Variants in JADE1 observed in about 807,000 individuals in gnomAD.
JADE1 encodes jade family PHD finger 1, also known as protein Jade-1.
A neutral mutation model predicts 81.8 loss-of-function variants in JADE1; 14 were observed. The observed-to-expected ratio is 0.17, with a 90% CI of 0.11 to 0.27. The LOEUF is 0.27. Among genes scored for constraint, JADE1 ranks in the 10% least tolerant of loss-of-function variants. The pLI, the probability that JADE1 is intolerant of heterozygous loss-of-function variation, is 1.00. For missense variants in JADE1, 690 were observed against 1,047.9 expected (o/e 0.66, Z 4.71); for synonymous variants, 353 against 391.9 (o/e 0.90, Z 1.17).
At chr4:128,856,032 T>G (rs1730766058) in intron 7 of JADE1, among the ~76,000 whole-genome samples, 1 of 152,144 alleles carries the variant, frequency 6.6e-6, no homozygotes, top group African/African-American at 2.4e-5. Flanking sequence ...TTGACCTGGC[T>G]GGTCTCAAAC....
At chr4:128,857,721 G>A (rs1226382543) in intron 8 of JADE1, among the ~76,000 whole-genome samples, 4 of 152,226 alleles carry the variant, frequency 2.6e-5, no homozygotes, top group South Asian at 2.1e-4. Context: ...TTTGTCTCTC[G>A]CTACCCTTTC....
At chr4:128,837,067 T>A (rs1288436154) in intron 2 of JADE1, among the ~76,000 whole-genome samples, 1 of 152,202 alleles carries the variant, frequency 6.6e-6, no homozygotes. Context: ...GCAGGACTTC[T>A]TATTCTTGTC....
At chr4:128,845,343 A>C (rs1729777535) in intron 3 of JADE1, among the ~76,000 whole-genome samples, 1 of 152,172 alleles carries the variant, frequency 6.6e-6, no homozygotes, top group Admixed American at 6.5e-5. Context: ...CTCTCTCGGT[A>C]GAGGGGCACT....
At chr4:128,833,358 A>G (rs1321812481) in intron 2 of JADE1, among the ~76,000 whole-genome samples, 1 of 151,948 alleles carries the variant, frequency 6.6e-6, no homozygotes, top group Non-Finnish European at 1.5e-5. Context: ...AGTTATAAGT[A>G]CTCTATAAAT....
intron 6 of JADE1, among the ~76,000 whole-genome samples, chr4:128,852,889 C>T (rs951889486): frequency 2.0e-5 from 3 of 152,060 alleles, no homozygotes; most frequent in Non-Finnish European, 4.4e-5. Flanking sequence ...GTGTGTTCTC[C>T]CTGTGTCTCT....
chr4:128,843,003 T>A lies in JADE1; in HGVS notation c.103T>A (p.Ser35Thr), dbSNP rs747826172. ...TTCCCGATCCCAGCATAGGAGAAGCTCCTGCTCCAGACATGAAGATCGAAA... is the reference window on the plus strand; with the variant it reads ...TTCCCGATCCCAGCATAGGAGAAGCACCTGCTCCAGACATGAAGATCGAAA... The part of the protein sequence containing the change: ...QNSRSQHRRS[S>T]CSRHEDRKPS... Residue 35 changes from serine to threonine, a missense_variant, in exon 3 of 11, where the codon TCC becomes ACC. Ser to Thr is a moderately conservative substitution (Grantham distance 58). Coordinates refer to ENST00000226319, the MANE Select transcript of JADE1 (RefSeq NM_199320.4). The A allele has an allele frequency of 6.2e-7, 1 of 1,614,074 alleles. No homozygotes were observed. The highest frequency in any genetic ancestry group is 8.5e-7 in the Non-Finnish European group (1 of 1,179,930).
chr4:128,824,072 C>G (rs1480284682), intron 1 of JADE1, among the ~76,000 whole-genome samples: 1 of 152,106 alleles, frequency 6.6e-6, no homozygotes, highest in Non-Finnish European at 1.5e-5. Context: ...ATTTAGGAAT[C>G]AAATTATCAG....
intron 8 of JADE1, 102 bp downstream of exon 8, chr4:128,857,556 T>G: frequency 1.1e-6 from 1 of 912,706 alleles, no homozygotes; most frequent in Non-Finnish European, 1.7e-6. Flanking sequence ...GAGAGGGGAC[T>G]AGAATCCAGG....
chr4:128,864,441 G>T, intron 9 of JADE1: 1 of 985,272 alleles, frequency 1.0e-6, no homozygotes, highest in Non-Finnish European at 1.2e-6. Context: ...CCCAGCCTTA[G>T]ACTCAGTTTA....
At chr4:128,842,897 C>A in intron 2 of JADE1, 56 bp from the exon 3 acceptor site, 1 of 1,494,638 alleles carries the variant, frequency 6.7e-7, no homozygotes, top group Non-Finnish European at 9.3e-7. Context: ...CCCCTGAGAA[C>A]ACTCAGTGAC....
In JADE1 at chr4:128,852,048, T is replaced by G; in HGVS notation, c.485-9T>G. On this transcript the variant is annotated splice_polypyrimidine_tract_variant and intron_variant, in intron 5 of 10. Transcript: ENST00000226319. Reference sequence around the variant, plus strand: ...ATTAAAATGGGTTTTGTGGCATTTTTAACTTCAGGAATGCCTGAACTAGAT... The same window carrying G: ...ATTAAAATGGGTTTTGTGGCATTTTGAACTTCAGGAATGCCTGAACTAGAT... 1 of 1,601,362 alleles carries G rather than the reference T, an allele frequency of 6.2e-7. No individual in the cohort carries two copies. The highest frequency in any genetic ancestry group is 1.3e-5 in the African/African-American group (1 of 74,804).
rs1469922801 is a variant in JADE1, at chr4:128,874,782, T to G, written c.*2520T>G. 1.3e-5 allele frequency: 2 copies of G among 152,634 alleles called. No homozygotes were observed. Among genetic ancestry groups the G allele is most frequent in the African/African-American group, 4.8e-5 (2 of 41,464 alleles). The allele number at this position is 152,634 out of a possible 1,614,324, so 9.5% of individuals were successfully genotyped here. The stretch of plus-strand genomic sequence containing the variant: ...GTGCATCCTGACCAAGAAATATCTT[T>G]GATTATGATTAATGTATTATGTCAA... On this transcript the variant is annotated 3_prime_UTR_variant, in exon 11 of 11. Transcript: ENST00000226319.
chr4:128,836,791 C>G (rs1270526700), intron 2 of JADE1, among the ~76,000 whole-genome samples: 1 of 143,280 alleles, frequency 7.0e-6, no homozygotes, highest in Non-Finnish European at 1.5e-5. Flanking sequence ...GGCTGGAGTA[C>G]AGTGGCATGA....
intron 1 of JADE1, among the ~76,000 whole-genome samples, chr4:128,825,525 C>T (rs993853862): frequency 6.6e-6 from 1 of 152,166 alleles, no homozygotes; most frequent in Admixed American, 6.5e-5. Flanking sequence ...AGATTTTTCC[C>T]AGTTTCAGTC....
chr4:128,857,394 C>T lies in JADE1; in HGVS notation c.921C>T (p.Pro307=). The change falls in exon 8 of 11, where the codon CCC becomes CCT. Residue 307 remains proline (P), a synonymous_variant. Coordinates refer to ENST00000226319, the MANE Select transcript of JADE1 (RefSeq NM_199320.4). The part of the protein sequence containing the change: ...MEPITKVSHI[P]SSRWALVCSL... ...CCATCACCAAGGTGTCACACATTCC[C>T]AGCAGCCGGTGGGCGCTAGTGTGCA... 3 of 1,614,190 alleles carry T rather than the reference C, an allele frequency of 1.9e-6. No homozygotes were observed. Among genetic ancestry groups the T allele is most frequent in the Non-Finnish European group, 1.7e-6 (2 of 1,180,020 alleles).
chr4:128,834,798 G>A (rs1252925248), intron 2 of JADE1, among the ~76,000 whole-genome samples: 1 of 151,940 alleles, frequency 6.6e-6, no homozygotes, highest in Non-Finnish European at 1.5e-5. Flanking sequence ...GCCTCCCAAA[G>A]TGCTGGGATT....
intron 10 of JADE1, among the ~76,000 whole-genome samples, chr4:128,870,884 G>A (rs1046082619): frequency 6.6e-6 from 1 of 152,120 alleles, no homozygotes; most frequent in African/African-American, 2.4e-5. Flanking sequence ...CCCTGTGAGG[G>A]TACAGACACA....
intron 1 of JADE1, among the ~76,000 whole-genome samples, chr4:128,829,648 TA>T (rs1166099598): frequency 6.6e-6 from 1 of 152,184 alleles, no homozygotes; most frequent in Non-Finnish European, 1.5e-5. Context: ...TTGATATTTT[TA>T]TGTGCCAGAT....
At chr4:128,849,402 A>G (rs577029118) in intron 5 of JADE1, among the ~76,000 whole-genome samples, 6 of 152,282 alleles carry the variant, frequency 3.9e-5, no homozygotes, top group South Asian at 4.1e-4. Context: ...AGGGATTCCC[A>G]TCCCCGCTCT....
Sources: allele counts gnomAD v4.1 joint callset (sites outside exome capture counted in the v4.1 genomes callset), GRCh38; gene constraint gnomAD v4.1.1; transcripts MANE v1.5; gene names NCBI Gene and HGNC (gene_info 2026-07-23, HGNC 2026-07-21).